Variants in ADD2 observed in about 807,000 individuals in gnomAD.
The protein encoded by ADD2 is beta-adducin.
In ADD2, 23 loss-of-function variants were observed where a neutral mutation model predicts 83.0. The observed-to-expected ratio is 0.28, with a 90% CI of 0.20 to 0.39. The LOEUF is 0.39. Among genes scored for constraint, ADD2 ranks in the 10% least tolerant of loss-of-function variants. The pLI is 1.00. For synonymous variants in ADD2, 375 were observed against 375.4 expected, an observed-to-expected ratio of 1.00 and a Z score of 0.01; for missense variants, 758 against 944.9, an observed-to-expected ratio of 0.80 and a Z score of 2.59.
At chr2:70,729,143 C>A (rs551656953) in intron 1 of ADD2, among the ~76,000 whole-genome samples, 1 of 152,298 alleles carries the variant, frequency 6.6e-6, no homozygotes, top group African/African-American at 2.4e-5. Flanking sequence ...AGAGGCACTG[C>A]CTGAAGATGG....
At chr2:70,724,795 C>T (rs992263133) in intron 1 of ADD2, among the ~76,000 whole-genome samples, 8 of 152,230 alleles carry the variant, frequency 5.3e-5, no homozygotes, top group Non-Finnish European at 5.9e-5. Context: ...ACATCCTACA[C>T]ATGCCAACAG....
intron 3 of ADD2, among the ~76,000 whole-genome samples, chr2:70,704,814 A>G (rs929768021): frequency 4.6e-5 from 7 of 152,148 alleles, no homozygotes; most frequent in Non-Finnish European, 8.8e-5. Flanking sequence ...CTGAATGGAG[A>G]GAGCCACCAT....
chr2:70,712,788 G>T (rs1260912548), intron 2 of ADD2, among the ~76,000 whole-genome samples: 1 of 152,178 alleles, frequency 6.6e-6, no homozygotes, highest in East Asian at 1.9e-4. Context: ...CTTGTCAGGT[G>T]GGGAGTTCTC....
At chr2:70,732,115 C>T (rs573700729) in intron 1 of ADD2, among the ~76,000 whole-genome samples, 3 of 152,284 alleles carry the variant, frequency 2.0e-5, no homozygotes, top group Admixed American at 2.0e-4. Context: ...GTGGCACAGG[C>T]AGCAGGGGAG....
chr2:70,687,564 T>C (rs1553370715), intron 9 of ADD2, among the ~76,000 whole-genome samples: 1 of 151,672 alleles, frequency 6.6e-6, no homozygotes, highest in Non-Finnish European at 1.5e-5. Context: ...ACCATGTCCC[T>C]GGCCTTTGCA....
chr2:70,701,097 C>A (rs1394323278), intron 4 of ADD2, among the ~76,000 whole-genome samples: 4 of 151,920 alleles, frequency 2.6e-5, no homozygotes, highest in African/African-American at 7.2e-5. Context: ...GTAAAGACTG[C>A]CCAAAAAGTG....
chr2:70,671,351 T>C lies in ADD2; in HGVS notation c.1870+1527A>G, dbSNP rs561274597. ...TGTGTTTGTGTATGTGTGTGGCCTA[T>C]GTGTGTATATCCACATCTCATGTAG... On this transcript the variant is annotated intron_variant, in intron 15 of 15. Coordinates refer to ENST00000264436, the MANE Select transcript of ADD2 (RefSeq NM_001617.4). Among the ~76,000 whole-genome samples, 42 of 152,300 alleles carry C rather than the reference T, an allele frequency of 2.8e-4. No individual in the cohort carries two copies. In the South Asian group the frequency reaches 3.7e-3, roughly 14 times the overall value.
chr2:70,678,881 G>C lies in ADD2; in HGVS notation c.1206C>G (p.Ala402=). 1 of 1,614,192 alleles carries C rather than the reference G, an allele frequency of 6.2e-7. No homozygotes were observed. The change falls in exon 11 of 16, where the codon GCC becomes GCG. Residue 402 remains alanine (A), a synonymous_variant. Transcript: ENST00000264436. The part of the protein sequence containing the change: ...TKHKSEVEIP[A]TVTAFVFEED... ...CCTCAAACACGAAGGCTGTGACCGT[G>C]GCTGGAATCTCCACCTCACTTTTGT...
At chr2:70,724,527 G>C (rs563997231) in intron 1 of ADD2, among the ~76,000 whole-genome samples, 2 of 152,308 alleles carry the variant, frequency 1.3e-5, no homozygotes, top group East Asian at 3.9e-4. Flanking sequence ...GTTTCCCGGA[G>C]CTCAGGCCAG....
Position 70,667,319 on chromosome 2 carries a change from G to T in ADD2, c.1871-3584C>A, listed in dbSNP as rs74613204. On this transcript the variant is annotated intron_variant, in intron 15 of 15. Coordinates refer to ENST00000264436, the MANE Select transcript of ADD2 (RefSeq NM_001617.4). ...ATGGGAGAACAGGTGACGGGAACGAGACTGGACTCTGAAGTCAGGGCCCAC... is the reference window on the plus strand; with the variant it reads ...ATGGGAGAACAGGTGACGGGAACGATACTGGACTCTGAAGTCAGGGCCCAC... Among the ~76,000 whole-genome samples, 310 of 152,222 alleles carry T rather than the reference G, an allele frequency of 2.0e-3. 10 individuals are homozygous for T. In the East Asian group the frequency reaches 0.055, roughly 27 times the overall value.
At chr2:70,756,321 G>A (rs755026220) in intron 1 of ADD2, among the ~76,000 whole-genome samples, 9 of 152,132 alleles carry the variant, frequency 5.9e-5, no homozygotes, top group Non-Finnish European at 1.0e-4. Context: ...CACTGCAGGA[G>A]AGAACTAGAG....
In ADD2 at chr2:70,672,939, C is replaced by G. The variant is rs1553367403; in HGVS notation, c.1809G>C (p.Gln603His). 1 of 1,613,876 alleles carries G rather than the reference C, an allele frequency of 6.2e-7. No individual in the cohort carries two copies. The highest frequency in any genetic ancestry group is 8.5e-7 in the Non-Finnish European group (1 of 1,179,966). The change falls in exon 15 of 16, where the codon CAG (glutamine) becomes CAC (histidine). Residue 603 changes from glutamine (Q) to histidine (H), a missense_variant. Physicochemically the swap from Gln to His is conservative, Grantham distance 24 (BLOSUM62 0). This residue lies in a region of ADD2 where 165 missense variants were observed against 176.2 expected (regional missense o/e 0.94). Coordinates refer to ENST00000264436, the MANE Select transcript of ADD2 (RefSeq NM_001617.4). ...PAKSAPASPV[Q>H]SPAKEAETKS... is the part of the protein sequence containing the mutation. ...TTGTCTCTGCCTCCTTCGCTGGGCTCTGCACTGGAGAAGCAGGTGCAGACT... is the reference window on the plus strand; with the variant it reads ...TTGTCTCTGCCTCCTTCGCTGGGCTGTGCACTGGAGAAGCAGGTGCAGACT...
intron 4 of ADD2, among the ~76,000 whole-genome samples, chr2:70,698,707 A>G (rs781867537): frequency 5.9e-5 from 9 of 152,200 alleles, no homozygotes; most frequent in Admixed American, 5.9e-4. Flanking sequence ...TTAGGTATCC[A>G]TTTTAAAAAG....
intron 1 of ADD2, among the ~76,000 whole-genome samples, chr2:70,748,003 T>A (rs1392988175): frequency 6.6e-6 from 1 of 152,182 alleles, no homozygotes; most frequent in Non-Finnish European, 1.5e-5. Context: ...ATGGCATAAA[T>A]TTTTAATGGT....
At chr2:70,740,540 C>T (rs1673829707) in intron 1 of ADD2, among the ~76,000 whole-genome samples, 1 of 152,178 alleles carries the variant, frequency 6.6e-6, no homozygotes. Flanking sequence ...AAAAACAAAA[C>T]ACCTCAGCTA....
At position 70,683,584 on chromosome 2, in the gene ADD2, G is replaced by T. The variant is rs782084719; in HGVS notation, c.1125+7C>A. 43 of 1,606,768 alleles carry T rather than the reference G, an allele frequency of 2.7e-5. No individual in the cohort carries two copies. The South Asian group carries it at 4.4e-4, about 16-fold the overall frequency. ...CTGGCCTGGAAGGGCAATGGCAGGA[G>T]ACTCACCAGGTTGTCCAGCATCCTC... On this transcript the variant is annotated splice_region_variant and intron_variant, in intron 10 of 15. Coordinates refer to ENST00000264436, the MANE Select transcript of ADD2 (RefSeq NM_001617.4).
chr2:70,732,043 G>A (rs1040722137), intron 1 of ADD2, among the ~76,000 whole-genome samples: 4 of 152,272 alleles, frequency 2.6e-5, no homozygotes, highest in South Asian at 2.1e-4. Flanking sequence ...GATGCCCCAA[G>A]GTAATGTTTA....
At chr2:70,693,671 C>T (rs564159344) in intron 6 of ADD2, among the ~76,000 whole-genome samples, 11 of 152,340 alleles carry the variant, frequency 7.2e-5, no homozygotes, top group South Asian at 2.1e-4. Flanking sequence ...GCAACTCTCC[C>T]GCCTCAGGTA....
intron 2 of ADD2, among the ~76,000 whole-genome samples, chr2:70,710,474 C>T (rs1553375285): frequency 6.6e-6 from 1 of 152,224 alleles, no homozygotes; most frequent in African/African-American, 2.4e-5. Flanking sequence ...GAGCCCTGCC[C>T]CAGAGGGTTG....
Sources: allele counts gnomAD v4.1 joint callset (sites outside exome capture counted in the v4.1 genomes callset), GRCh38; gene constraint gnomAD v4.1.1; regional missense constraint gnomAD v4.1.1; transcripts MANE v1.5; gene names NCBI Gene and HGNC (gene_info 2026-07-23, HGNC 2026-07-21).